Variants in ELP4 observed in about 807,000 individuals in gnomAD.
The protein encoded by ELP4 is elongator complex protein 4.
Under a neutral mutation model 48.9 loss-of-function variants are expected in ELP4, and 51 were observed. That is an observed-to-expected ratio of 1.04 (90% confidence interval 0.83 to 1.32). The LOEUF (loss-of-function observed/expected upper bound fraction) is 1.32. ELP4 is among the 40% of genes most tolerant of loss of function. The probability of loss-of-function intolerance (pLI) is 0.00; values close to 1 mark genes in which losing one functional copy is unlikely to be tolerated. For synonymous variants in ELP4, 210 were observed against 189.2 expected, an observed-to-expected ratio of 1.11 and a Z score of -0.90; for missense variants, 519 against 514.6, an observed-to-expected ratio of 1.01 and a Z score of -0.08.
At chr11:31,524,878 A>G (rs1432685395) in intron 2 of ELP4, among the ~76,000 whole-genome samples, 1 of 152,148 alleles carries the variant, frequency 6.6e-6, no homozygotes, top group Non-Finnish European at 1.5e-5. Context: ...CCAGCTACTC[A>G]GGAGGCTGAG....
chr11:31,532,935 C>A (rs1457698567), intron 2 of ELP4, among the ~76,000 whole-genome samples: 4 of 151,742 alleles, frequency 2.6e-5, no homozygotes, highest in Non-Finnish European at 5.9e-5. Flanking sequence ...CCACGCCTGG[C>A]TAATTTTGTA....
intron 3 of ELP4, among the ~76,000 whole-genome samples, chr11:31,574,670 C>T (rs1177286161): frequency 2.6e-5 from 4 of 152,206 alleles, no homozygotes; most frequent in Non-Finnish European, 2.9e-5. Flanking sequence ...CTCAGGCAAA[C>T]AGGGTCTGGA....
At position 31,630,767 on chromosome 11, in the gene ELP4, C is replaced by G. The variant is rs558258472; in HGVS notation, c.739-1450C>G. Among the ~76,000 whole-genome samples, 3 of 152,138 alleles carry G rather than the reference C, an allele frequency of 2.0e-5. No individual in the cohort carries two copies. The South Asian group carries it at 6.2e-4, about 32-fold the overall frequency. Reference sequence around the variant, plus strand: ...TCAGCCTAGGCAACATAGCAAGACCCTGTCTCTACAAAAACAATAAAAGAA... The same window carrying G: ...TCAGCCTAGGCAACATAGCAAGACCGTGTCTCTACAAAAACAATAAAAGAA... On this transcript the variant is annotated intron_variant, in intron 6 of 9. Coordinates refer to ENST00000640961, the MANE Select transcript of ELP4 (RefSeq NM_019040.5).
chr11:31,752,833 CAAA>C (rs35352597), intron 9 of ELP4, among the ~76,000 whole-genome samples: 5 of 92,734 alleles, frequency 5.4e-5, no homozygotes, highest in Admixed American at 1.1e-4. Context: ...GACTCCATCT[CAAA>C]AAAAAAAAAA....
At chr11:31,597,814 G>A (rs1214973572) in intron 4 of ELP4, among the ~76,000 whole-genome samples, 2 of 152,000 alleles carry the variant, frequency 1.3e-5, no homozygotes, top group African/African-American at 4.8e-5. Flanking sequence ...TGATCTGCCT[G>A]CCTTGGCCTC....
intron 2 of ELP4, among the ~76,000 whole-genome samples, chr11:31,533,819 TTTTTG>T (rs1956449657): frequency 6.6e-6 from 1 of 151,342 alleles, no homozygotes; most frequent in African/African-American, 2.4e-5. Context: ...GTAAGAGTTT[TTTTTG>T]TTTTTGTTTT....
Position 31,748,393 on chromosome 11 carries a change from C to T in ELP4, c.1144-35000C>T, listed in dbSNP as rs546113286. ...CCCAGTAGCTGGGACTACAGGCGCA[C>T]GCCACTATGCCCAGCTAATTTTTGT... On this transcript the variant is annotated intron_variant, in intron 9 of 9. Coordinates refer to ENST00000640961, the MANE Select transcript of ELP4 (RefSeq NM_019040.5). Among the ~76,000 whole-genome samples, 20 of 152,110 alleles carry T rather than the reference C, an allele frequency of 1.3e-4. No homozygotes were observed. The East Asian group carries it at 2.0e-3, about 15-fold the overall frequency.
chr11:31,550,527 A>T (rs1335519242), intron 3 of ELP4, among the ~76,000 whole-genome samples: 1 of 152,172 alleles, frequency 6.6e-6, no homozygotes. Context: ...GGTCCTGGGA[A>T]TTTAACTATG....
intron 9 of ELP4, among the ~76,000 whole-genome samples, chr11:31,734,535 G>A (rs535528503): frequency 6.6e-6 from 1 of 152,204 alleles, no homozygotes; most frequent in Admixed American, 6.5e-5. Context: ...AAGACAACAA[G>A]GAAAACTTAG....
At chr11:31,709,567 C>T (rs759646299) in intron 9 of ELP4, among the ~76,000 whole-genome samples, 1 of 152,126 alleles carries the variant, frequency 6.6e-6, no homozygotes, top group Non-Finnish European at 1.5e-5. Flanking sequence ...TCAGTATCTG[C>T]GGACTTGGAT....
At chr11:31,666,004 CTTTT>C (rs35902758) in intron 9 of ELP4, among the ~76,000 whole-genome samples, 1 of 85,344 alleles carries the variant, frequency 1.2e-5, no homozygotes. Flanking sequence ...GTTTCAAATT[CTTTT>C]TTTTTTTTTT....
intron 2 of ELP4, among the ~76,000 whole-genome samples, chr11:31,538,203 A>G (rs1264195267): frequency 6.6e-6 from 1 of 150,390 alleles, no homozygotes; most frequent in Admixed American, 6.6e-5. Flanking sequence ...GTATTAGTAT[A>G]GTATAATTCT....
chr11:31,705,096 T>G (rs1441245642), intron 9 of ELP4, among the ~76,000 whole-genome samples: 1 of 152,164 alleles, frequency 6.6e-6, no homozygotes, highest in African/African-American at 2.4e-5. Flanking sequence ...CATTTTTGGT[T>G]GCTATAATAG....
At chr11:31,630,081 A>T (rs1406456003) in intron 6 of ELP4, among the ~76,000 whole-genome samples, 1 of 151,304 alleles carries the variant, frequency 6.6e-6, no homozygotes, top group Non-Finnish European at 1.5e-5. Context: ...ACCATTGAGG[A>T]TGATAACATA....
At chr11:31,521,091 A>G (rs1404325935) in intron 2 of ELP4, among the ~76,000 whole-genome samples, 1 of 152,126 alleles carries the variant, frequency 6.6e-6, no homozygotes, top group Non-Finnish European at 1.5e-5. Flanking sequence ...ATTTTCCCCA[A>G]GAGTGAGTAA....
chr11:31,613,660 T>A (rs936133736), intron 5 of ELP4, among the ~76,000 whole-genome samples: 11 of 152,000 alleles, frequency 7.2e-5, no homozygotes, highest in Non-Finnish European at 1.3e-4. Context: ...TAAGTTTTTT[T>A]TTATTATTAT....
At chr11:31,748,366 T>TC (rs1185218224) in intron 9 of ELP4, among the ~76,000 whole-genome samples, 1 of 151,966 alleles carries the variant, frequency 6.6e-6, no homozygotes, top group Admixed American at 6.6e-5. Context: ...TGCCTCAGCT[T>TC]CCCCAGTAGC....
At chr11:31,603,712 T>A in intron 4 of ELP4, 56 bp from the exon 5 acceptor site, 1 of 1,566,818 alleles carries the variant, frequency 6.4e-7, no homozygotes, top group Non-Finnish European at 8.7e-7. Context: ...GTAGGACAAA[T>A]AAATTATAGC....
At chr11:31,696,184 C>T (rs1946401571) in intron 9 of ELP4, among the ~76,000 whole-genome samples, 2 of 152,002 alleles carry the variant, frequency 1.3e-5, no homozygotes, top group Non-Finnish European at 2.9e-5. Flanking sequence ...CTGCTCTTAT[C>T]TTAGTTATTT....
Sources: gnomAD v4.1 joint callset for allele counts (sites outside exome capture counted in the v4.1 genomes callset) on GRCh38, gnomAD v4.1.1 for gene constraint, MANE v1.5 for transcripts, NCBI Gene and HGNC (gene_info 2026-07-23, HGNC 2026-07-21) for gene names.